TAF2: variants seen among roughly 807,000 people sequenced by gnomAD.
The protein encoded by TAF2 is TATA-box binding protein associated factor 2.
A neutral mutation model predicts 138.5 loss-of-function variants in TAF2; 61 were observed. That is an observed-to-expected ratio of 0.44 (90% CI 0.36 to 0.54). The LOEUF is 0.54. Among genes scored for constraint, TAF2 ranks in the 20% least tolerant of loss-of-function variants. The pLI, the probability that TAF2 is intolerant of heterozygous loss-of-function variation, is 0.00. For synonymous variants in TAF2, 475 were observed against 469.9 expected, an observed-to-expected ratio of 1.01 and a Z score of -0.14; for missense variants, 1,090 against 1,427.9, an observed-to-expected ratio of 0.76 and a Z score of 3.81.
intron 3 of TAF2, among the ~76,000 whole-genome samples, chr8:119,808,394 C>T (rs948435585): frequency 1.3e-5 from 2 of 152,190 alleles, no homozygotes; most frequent in South Asian, 2.1e-4. Flanking sequence ...AGTTTCATTG[C>T]TATTTCTACC....
chr8:119,781,344 C>G, intron 16 of TAF2, 151 bp from the exon 17 acceptor site: 1 of 1,008,898 alleles, frequency 9.9e-7, no homozygotes, highest in Non-Finnish European at 1.4e-6. Flanking sequence ...AGCATTTTAT[C>G]ACCATTTCCA....
chr8:119,750,051 C>T (rs140060692), intron 22 of TAF2, among the ~76,000 whole-genome samples: 9 of 152,222 alleles, frequency 5.9e-5, no homozygotes, highest in South Asian at 4.2e-4. Context: ...CTGATCCTAC[C>T]GAAAAATCAT....
chr8:119,800,409 C>G (rs1031089476), intron 6 of TAF2, among the ~76,000 whole-genome samples: 9 of 152,082 alleles, frequency 5.9e-5, no homozygotes, highest in African/African-American at 2.2e-4. Context: ...GAATCCTTTC[C>G]CCATTTCTTG....
chr8:119,814,578 G>A (rs1288547384), intron 3 of TAF2, among the ~76,000 whole-genome samples: 1 of 151,778 alleles, frequency 6.6e-6, no homozygotes, highest in Non-Finnish European at 1.5e-5. Context: ...CTGAAAAGTT[G>A]GGACATTTCA....
chr8:119,748,945 G>C (rs904104726), intron 22 of TAF2, among the ~76,000 whole-genome samples: 1 of 151,354 alleles, frequency 6.6e-6, no homozygotes, highest in East Asian at 1.9e-4. Flanking sequence ...AAACAGAACA[G>C]AACAGTTTAG....
chr8:119,761,931 A>G (rs1021851471), intron 19 of TAF2, among the ~76,000 whole-genome samples: 3 of 152,224 alleles, frequency 2.0e-5, no homozygotes, highest in African/African-American at 7.2e-5. Context: ...ATGTTTTAGT[A>G]ATATAGTTTG....
intron 3 of TAF2, among the ~76,000 whole-genome samples, chr8:119,814,435 C>T (rs1286498124): frequency 2.0e-5 from 3 of 149,884 alleles, no homozygotes; most frequent in Admixed American, 2.0e-4. Context: ...ATAGAATCTA[C>T]AAAATCTTAA....
At position 119,806,314 on chromosome 8, in the gene TAF2, C is replaced by T. The variant is rs1249751860; in HGVS notation, c.387G>A (p.Lys129=). Residue 129 remains lysine, a synonymous_variant, in exon 4 of 26, where the codon AAG becomes AAA. Transcript: ENST00000378164. The part of the protein sequence containing the change: ...PDAGNGELCI[K]VPSELWKHVD... ...CGTGTTTCCATAGCTCTGATGGAAC[C>T]TTAATGCAAAGTTCTCCATTTCCTG... The T allele has an allele frequency of 6.2e-7, 1 of 1,614,022 alleles. No individual in the cohort carries two copies. Among genetic ancestry groups the T allele is most frequent in the Non-Finnish European group, 8.5e-7 (1 of 1,179,962 alleles).
chr8:119,747,245 T>C (rs747294583), intron 22 of TAF2, among the ~76,000 whole-genome samples: 4 of 152,218 alleles, frequency 2.6e-5, no homozygotes, highest in African/African-American at 4.8e-5. Context: ...AGCCTTTGCA[T>C]TCCCTATCAT....
chr8:119,784,144 C>A (rs1041409231), intron 15 of TAF2, among the ~76,000 whole-genome samples: 3 of 152,148 alleles, frequency 2.0e-5, no homozygotes, highest in African/African-American at 7.2e-5. Context: ...TTTAAAAAAT[C>A]TAGTCTATGT....
rs1820016643 is a variant in TAF2, at chr8:119,746,926, G to A, written c.2887C>T (p.His963Tyr). ...GCACCACACCGTAACCTCCAGTCAT[G>A]TGAAGTACCTAAAAAGTAAGTAATA... ...LWKLMNSGTS[H>Y]DWRLRCGAVD... The change falls in exon 23 of 26, where the codon CAT becomes TAT. Residue 963 changes from histidine to tyrosine, a missense_variant. Physicochemically the swap from His to Tyr is moderately conservative, Grantham distance 83 (BLOSUM62 2). Coordinates refer to ENST00000378164, the MANE Select transcript of TAF2 (RefSeq NM_003184.4). The A allele has an allele frequency of 6.2e-7, 1 of 1,614,110 alleles. No individual in the cohort carries two copies. The highest frequency in any genetic ancestry group is 2.2e-5 in the East Asian group (1 of 44,860).
chr8:119,754,432 T>A (rs1158103658), intron 22 of TAF2, among the ~76,000 whole-genome samples: 8 of 152,172 alleles, frequency 5.3e-5, no homozygotes, highest in Non-Finnish European at 1.2e-4. Context: ...ATGCCTGTAA[T>A]CCCAGCATTT....
intron 16 of TAF2, 42 bp from the exon 17 acceptor site, chr8:119,781,235 C>T (rs1189140563): frequency 6.2e-7 from 1 of 1,610,170 alleles, no homozygotes; most frequent in Non-Finnish European, 8.5e-7. Flanking sequence ...ATTACCAATG[C>T]AAACATACTT....
intron 3 of TAF2, among the ~76,000 whole-genome samples, chr8:119,812,718 GGTGTGTGTGTGTGT>G (rs201947539): frequency 7.0e-6 from 1 of 143,864 alleles, no homozygotes; most frequent in South Asian, 2.2e-4. Flanking sequence ...AGTATTCCAT[GGTGTGTGTGTGTGT>G]GTGTGTGTGT....
intron 3 of TAF2, among the ~76,000 whole-genome samples, chr8:119,811,877 G>T (rs897157224): frequency 2.0e-5 from 3 of 150,996 alleles, no homozygotes; most frequent in Non-Finnish European, 4.4e-5. Context: ...GCTGCTGAGT[G>T]AAAAATCTAC....
chr8:119,820,744 C>G (rs1180822109), intron 2 of TAF2, among the ~76,000 whole-genome samples: 1 of 152,166 alleles, frequency 6.6e-6, no homozygotes, highest in Non-Finnish European at 1.5e-5. Flanking sequence ...TCTGTAGCCC[C>G]TTTGTTCTCA....
In TAF2 at chr8:119,804,026, C is replaced by A. The variant is rs1201012413; in HGVS notation, c.419-7G>T. ...ATCTTCAGGACCTTTAACTCTGCAA[C>A]AAATAAACATATACACACATTGATA... On this transcript the variant is annotated splice_region_variant and splice_polypyrimidine_tract_variant and intron_variant, in intron 4 of 25. Transcript: ENST00000378164. 1 of 1,613,650 alleles carries A rather than the reference C, an allele frequency of 6.2e-7. No homozygotes were observed. The highest frequency in any genetic ancestry group is 1.7e-5 in the Admixed American group (1 of 59,998).
At chr8:119,798,696 T>C (rs1824009984) in intron 6 of TAF2, among the ~76,000 whole-genome samples, 1 of 152,170 alleles carries the variant, frequency 6.6e-6, no homozygotes, top group Non-Finnish European at 1.5e-5. Context: ...TAGAAGATCT[T>C]GAAAGCCATG....
intron 2 of TAF2, among the ~76,000 whole-genome samples, chr8:119,819,956 A>T (rs1448765017): frequency 1.3e-5 from 2 of 152,184 alleles, no homozygotes; most frequent in East Asian, 3.8e-4. Flanking sequence ...GCTCATGAGT[A>T]AATTAGGACA....
Sources: gnomAD v4.1 joint callset for allele counts (sites outside exome capture counted in the v4.1 genomes callset) on GRCh38, gnomAD v4.1.1 for gene constraint, MANE v1.5 for transcripts, NCBI Gene and HGNC (gene_info 2026-07-23, HGNC 2026-07-21) for gene names.